Variants in TENM3 observed in about 807,000 individuals in gnomAD.
TENM3 encodes the protein teneurin-3.
A neutral mutation model predicts 255.1 loss-of-function variants in TENM3; 63 were observed. That is an observed-to-expected ratio of 0.25 (90% CI 0.20 to 0.30). The LOEUF is 0.30. Ranked by LOEUF, TENM3 falls within the 10% of genes least tolerant of loss-of-function variation. TENM3 has a pLI of 1.00. For synonymous variants in TENM3, 1,306 were observed against 1,322.3 expected, an observed-to-expected ratio of 0.99 and a Z score of 0.27; for missense variants, 2,929 against 3,461.1, an observed-to-expected ratio of 0.85 and a Z score of 3.86.
At position 182,455,321 on chromosome 4, in the gene TENM3, G is replaced by T. The variant is rs796491879; in HGVS notation, c.511+108392G>T. Among the ~76,000 whole-genome samples, 6 of 152,166 alleles carry T rather than the reference G, an allele frequency of 3.9e-5. 1 individual carries two copies. Among genetic ancestry groups the T allele is most frequent in the African/African-American group, 1.4e-4 (6 of 41,532 alleles). ...CTCTCTTCAGTTCTCCTTAGACTAA[G>T]CTTTCCATTTGGGTTGCCCTGCCTT... On this transcript the variant is annotated intron_variant, in intron 3 of 27. Coordinates refer to ENST00000511685, the MANE Select transcript of TENM3 (RefSeq NM_001080477.4).
chr4:181,783,780 T>TCC, the TENM3 span, among the ~76,000 whole-genome samples: 4 of 152,242 alleles, frequency 2.6e-5, no homozygotes, highest in Admixed American at 2.0e-4. Context: ...TGCTACAGCC[T>TCC]TGACCTCCTG....
At chr4:181,910,391 C>A in the TENM3 span, among the ~76,000 whole-genome samples, 1 of 151,592 alleles carries the variant, frequency 6.6e-6, no homozygotes, top group South Asian at 2.1e-4. Context: ...ATGGTGAAAC[C>A]CCGCCTCTAC....
chr4:182,180,000 T>C (rs2149734588), intron 1 of TENM3, among the ~76,000 whole-genome samples: 1 of 152,240 alleles, frequency 6.6e-6, no homozygotes, highest in African/African-American at 2.4e-5. Flanking sequence ...GGAATCCACT[T>C]CCCTAAGTTA....
intron 3 of TENM3, among the ~76,000 whole-genome samples, chr4:182,452,665 T>TA (rs1297550366): frequency 3.3e-5 from 5 of 152,252 alleles, no homozygotes; most frequent in African/African-American, 1.2e-4. Context: ...CTATTTTGGC[T>TA]ATAATCACGT....
chr4:182,159,182 A>G (rs1750920363), intron 1 of TENM3, among the ~76,000 whole-genome samples: 1 of 152,216 alleles, frequency 6.6e-6, no homozygotes, highest in African/African-American at 2.4e-5. Flanking sequence ...TGGGGATGGC[A>G]GCAGTGTCTT....
chr4:181,920,533 T>C, the TENM3 span, among the ~76,000 whole-genome samples: 2 of 152,240 alleles, frequency 1.3e-5, no homozygotes, highest in Non-Finnish European at 2.9e-5. Context: ...AAATGTCTTC[T>C]CTTGAGAAGT....
At chr4:182,118,401 A>G in the TENM3 span, among the ~76,000 whole-genome samples, 1 of 152,122 alleles carries the variant, frequency 6.6e-6, no homozygotes, top group Non-Finnish European at 1.5e-5. Context: ...ACTATGAAGT[A>G]TAATGTTAGC....
chr4:182,430,319 C>A (rs906850368), intron 3 of TENM3, among the ~76,000 whole-genome samples: 5 of 152,064 alleles, frequency 3.3e-5, no homozygotes, highest in African/African-American at 7.2e-5. Flanking sequence ...GAGGCCGAGG[C>A]AGGCGGATCA....
the TENM3 span, among the ~76,000 whole-genome samples, chr4:181,687,986 G>A: frequency 6.6e-6 from 1 of 152,132 alleles, no homozygotes; most frequent in African/African-American, 2.4e-5. Flanking sequence ...TGTAAGTGGT[G>A]CTGTTGTCAG....
chr4:182,344,171 G>GA (rs1469293702), intron 2 of TENM3, among the ~76,000 whole-genome samples: 1 of 152,076 alleles, frequency 6.6e-6, no homozygotes, highest in African/African-American at 2.4e-5. Flanking sequence ...CCTGAAAGAT[G>GA]AAAAAATAGA....
At chr4:182,173,696 G>A (rs998575321) in intron 1 of TENM3, among the ~76,000 whole-genome samples, 3 of 152,152 alleles carry the variant, frequency 2.0e-5, no homozygotes, top group African/African-American at 7.2e-5. Flanking sequence ...TCATCTGCCC[G>A]TGAACTTGAC....
chr4:181,886,823 T>A, the TENM3 span, among the ~76,000 whole-genome samples: 7 of 152,206 alleles, frequency 4.6e-5, no homozygotes, highest in Non-Finnish European at 1.0e-4. Flanking sequence ...AATCATCAGT[T>A]TCAATTCAGT....
chr4:182,207,556 G>A (rs1754670453), intron 1 of TENM3, among the ~76,000 whole-genome samples: 1 of 152,064 alleles, frequency 6.6e-6, no homozygotes, highest in Non-Finnish European at 1.5e-5. Flanking sequence ...GCTTTTTTGG[G>A]GAGTGCATAT....
In TENM3 at chr4:182,346,656, A is replaced by C; in HGVS notation, c.238A>C (p.Asn80His). The C allele has an allele frequency of 6.2e-7, 1 of 1,613,582 alleles. No homozygotes were observed. The highest frequency in any genetic ancestry group is 8.5e-7 in the Non-Finnish European group (1 of 1,179,732). Residue 80 changes from asparagine to histidine, a missense_variant, in exon 3 of 28, where the codon AAT (asparagine) becomes CAT (histidine). By Grantham distance (68) the Asn-to-His change is moderately conservative. Transcript: ENST00000511685. The part of the protein sequence containing the change: ...EADEFTRQGQ[N>H]FTLRQLGVCE... ...CTTTTTTTCCCCCTAATTAGGACAG[A>C]ATTTTACCCTAAGGCAGTTAGGAGT...
At chr4:182,664,786 G>A (rs1317388085) in intron 6 of TENM3, among the ~76,000 whole-genome samples, 1 of 152,154 alleles carries the variant, frequency 6.6e-6, no homozygotes, top group Non-Finnish European at 1.5e-5. Flanking sequence ...ACATTCCCTT[G>A]AGCTAAAGCC....
chr4:182,016,205 A>G, the TENM3 span, among the ~76,000 whole-genome samples: 1 of 152,280 alleles, frequency 6.6e-6, no homozygotes, highest in South Asian at 2.1e-4. Flanking sequence ...CACACGAAAC[A>G]TTGTTAATAC....
chr4:182,770,250 AT>A (rs1561227377), intron 22 of TENM3, among the ~76,000 whole-genome samples: 1 of 151,834 alleles, frequency 6.6e-6, no homozygotes, highest in Non-Finnish European at 1.5e-5. Context: ...TTGATCCCTG[AT>A]TTTTTTCATG....
the TENM3 span, among the ~76,000 whole-genome samples, chr4:181,644,677 T>C: frequency 1.3e-5 from 2 of 151,760 alleles, no homozygotes; most frequent in African/African-American, 4.8e-5. Context: ...TTCATCTGGC[T>C]TATTGCTTTT....
the TENM3 span, among the ~76,000 whole-genome samples, chr4:181,519,961 C>G: frequency 6.6e-6 from 1 of 152,184 alleles, no homozygotes; most frequent in African/African-American, 2.4e-5. Flanking sequence ...TAGAATTGCT[C>G]AAGTCAGAAT....
Sources: gnomAD v4.1 joint callset for allele counts (sites outside exome capture counted in the v4.1 genomes callset) on GRCh38, gnomAD v4.1.1 for gene constraint, MANE v1.5 for transcripts, NCBI Gene and HGNC (gene_info 2026-07-23, HGNC 2026-07-21) for gene names.